ESR1: variants seen among roughly 807,000 people sequenced by gnomAD.
ESR1 encodes estrogen receptor.
A neutral mutation model predicts 52.7 loss-of-function variants in ESR1; 12 were observed. The observed-to-expected ratio is 0.23, with a 90% CI of 0.15 to 0.37. ESR1 has a LOEUF of 0.37. ESR1 is among the 10% of genes least tolerant of loss of function. The probability of loss-of-function intolerance (pLI) is 1.00; values close to 1 mark genes in which losing one functional copy is unlikely to be tolerated. For missense variants in ESR1, 584 were observed against 779.7 expected, an observed-to-expected ratio of 0.75 and a Z score of 2.99; for synonymous variants, 305 against 316.8, an observed-to-expected ratio of 0.96 and a Z score of 0.39.
intron 2 of ESR1, among the ~76,000 whole-genome samples, chr6:151,720,742 T>C (rs1781395556): frequency 6.6e-6 from 1 of 151,966 alleles, no homozygotes; most frequent in Non-Finnish European, 1.5e-5. Context: ...AATTATTTAA[T>C]CATTTTTTGG....
intron 2 of ESR1, among the ~76,000 whole-genome samples, chr6:151,728,339 A>C (rs752692082): frequency 4.6e-5 from 7 of 152,258 alleles, no homozygotes; most frequent in Non-Finnish European, 7.3e-5. Context: ...TATGAGAAAG[A>C]AGAAAGTTCA....
exon 7 of ESR1, chr6:152,125,515 C>T (rs2053088508): frequency 1.0e-5 from 10 of 985,620 alleles, no homozygotes; most frequent in Non-Finnish European, 1.4e-5. Context: ...CTTAAAGTGT[C>T]TTAAGAAGGA....
chr6:152,105,196 A>G (rs1455266072), downstream of ESR1, among the ~76,000 whole-genome samples: 1 of 152,160 alleles, frequency 6.6e-6, no homozygotes, highest in Non-Finnish European at 1.5e-5. Context: ...TCTATGAGCC[A>G]CCATAGCAAA....
chr6:151,860,772 C>A (rs1456246686), intron 2 of ESR1, among the ~76,000 whole-genome samples: 2 of 152,174 alleles, frequency 1.3e-5, no homozygotes, highest in Non-Finnish European at 2.9e-5. Flanking sequence ...GCATGATTTA[C>A]AATTGACTGT....
intron 1 of ESR1, chr6:151,809,179 C>T (rs9340774): frequency 0.02 from 9,171 of 455,048 alleles, 692 homozygotes; most frequent in African/African-American, 0.16. Context: ...GAGTGGCGTG[C>T]GGGTCAGCCA....
intron 2 of ESR1, among the ~76,000 whole-genome samples, chr6:151,743,182 A>G (rs976641012): frequency 2.6e-5 from 4 of 152,002 alleles, no homozygotes; most frequent in African/African-American, 9.7e-5. Flanking sequence ...GAGAGGAGGG[A>G]GAGCTCTGGG....
intron 2 of ESR1, among the ~76,000 whole-genome samples, chr6:151,880,011 C>G (rs1314374234): frequency 1.3e-5 from 2 of 152,056 alleles, no homozygotes; most frequent in Non-Finnish European, 2.9e-5. Context: ...CTTGGTAAAA[C>G]CAAACCAAAC....
intron 1 of ESR1, among the ~76,000 whole-genome samples, chr6:151,701,180 C>G (rs947343140): frequency 6.6e-6 from 1 of 151,372 alleles, no homozygotes; most frequent in African/African-American, 2.4e-5. Flanking sequence ...TCTGCTGCTG[C>G]ACATGTGATT....
intron 4 of ESR1, among the ~76,000 whole-genome samples, chr6:151,968,881 G>A (rs370760683): frequency 1.4e-4 from 21 of 152,148 alleles, no homozygotes; most frequent in African/African-American, 2.7e-4. Flanking sequence ...CAGAGCTGCC[G>A]TCTTGATTTA....
chr6:152,022,470 C>T (rs980073678), intron 5 of ESR1, among the ~76,000 whole-genome samples: 9 of 152,016 alleles, frequency 5.9e-5, no homozygotes, highest in Non-Finnish European at 1.3e-4. Context: ...AATTTGAGAG[C>T]CATCTCCGTA....
In ESR1 at chr6:151,880,789, A is replaced by G; in HGVS notation, c.760+18A>G. 7.2e-7 allele frequency: 1 copy of G among 1,388,904 alleles called. No individual in the cohort carries two copies. Among genetic ancestry groups the G allele is most frequent in the Non-Finnish European group, 1.0e-6 (1 of 974,922 alleles). The allele number at this position is 1,388,904 out of a possible 1,614,324, so 86.0% of individuals were successfully genotyped here. A position where few individuals can be genotyped will look rare whatever the true frequency, so the allele number is the denominator to read the frequency against. On this transcript the variant is annotated intron_variant, in intron 3 of 7. Coordinates refer to ENST00000206249, the MANE Select transcript of ESR1 (RefSeq NM_000125.4). Reference sequence around the variant, plus strand: ...GAAAGGTGGTAGGTACATCTCTCCCAGGGGCCCTTGGGGATGGCCCTGGCC... The same window carrying G: ...GAAAGGTGGTAGGTACATCTCTCCCGGGGGCCCTTGGGGATGGCCCTGGCC...
intron 4 of ESR1, among the ~76,000 whole-genome samples, chr6:152,002,381 C>T (rs2042028060): frequency 6.6e-6 from 1 of 151,944 alleles, no homozygotes; most frequent in South Asian, 2.1e-4. Context: ...GTTTTGAAGA[C>T]ATTTGTAGTG....
At chr6:151,957,977 A>G (rs1328341669) in intron 4 of ESR1, among the ~76,000 whole-genome samples, 1 of 152,158 alleles carries the variant, frequency 6.6e-6, no homozygotes, top group Non-Finnish European at 1.5e-5. Flanking sequence ...TCCTGGCCTA[A>G]TGGGGCTACT....
At chr6:151,669,157 A>AGAGAGAGAGAGAGG (rs1777944309) in intron 1 of ESR1, among the ~76,000 whole-genome samples, 1 of 121,108 alleles carries the variant, frequency 8.3e-6, no homozygotes, top group African/African-American at 2.9e-5. Flanking sequence ...GGAGAGAGAG[A>AGAGAGAGAGAGAGG]GAGAGAGAGA....
intron 4 of ESR1, among the ~76,000 whole-genome samples, chr6:151,951,585 A>G (rs1374536465): frequency 1.3e-5 from 2 of 152,224 alleles, no homozygotes; most frequent in African/African-American, 4.8e-5. Flanking sequence ...AGACATTCAA[A>G]TAAGACCAGT....
chr6:151,905,388 G>A (rs1012866022), intron 3 of ESR1, among the ~76,000 whole-genome samples: 9 of 152,154 alleles, frequency 5.9e-5, no homozygotes, highest in South Asian at 2.1e-4. Context: ...TACAATATCC[G>A]GACCATGTGC....
At chr6:151,687,847 G>A (rs2941741), upstream of ESR1, among the ~76,000 whole-genome samples, 52,660 of 152,044 alleles carry the variant, frequency 0.35, 9,948 homozygotes, top group Non-Finnish European at 0.43. Context: ...TGGATAGCAC[G>A]ATTTTGATGA....
chr6:152,085,991 A>T (rs1484254564), intron 6 of ESR1, among the ~76,000 whole-genome samples: 1 of 152,206 alleles, frequency 6.6e-6, no homozygotes, highest in African/African-American at 2.4e-5. Context: ...ACCAGGCAAG[A>T]AAAGGTAGGA....
At chr6:152,005,279 A>G (rs1352623689) in intron 4 of ESR1, among the ~76,000 whole-genome samples, 1 of 152,056 alleles carries the variant, frequency 6.6e-6, no homozygotes, top group East Asian at 1.9e-4. Context: ...TAGGCAAAAT[A>G]TAATCCACAT....
Sources: gnomAD v4.1 joint callset for allele counts (sites outside exome capture counted in the v4.1 genomes callset) on GRCh38, gnomAD v4.1.1 for gene constraint, MANE v1.5 for transcripts, NCBI Gene and HGNC (gene_info 2026-07-23, HGNC 2026-07-21) for gene names.